The following MYO6 variants were observed in gnomAD, a reference collection of about 807,000 sequenced individuals.
MYO6 encodes unconventional myosin-VI.
A neutral mutation model predicts 178.7 loss-of-function variants in MYO6; 74 were observed. That is an observed-to-expected ratio of 0.41 (90% confidence interval 0.34 to 0.50). The LOEUF (loss-of-function observed/expected upper bound fraction) is 0.50. Among genes scored for constraint, MYO6 ranks in the 20% least tolerant of loss-of-function variants. The pLI is 0.09. For synonymous variants in MYO6, 477 were observed against 504.6 expected (o/e 0.95, Z 0.73); for missense variants, 1,330 against 1,547.4 (o/e 0.86, Z 2.36).
intron 16 of MYO6, among the ~76,000 whole-genome samples, chr6:75,864,624 C>T (rs904722837): frequency 6.6e-6 from 1 of 152,088 alleles, no homozygotes; most frequent in African/African-American, 2.4e-5. Context: ...TTACCAGGGG[C>T]ACTAATTGCT....
intron 16 of MYO6, among the ~76,000 whole-genome samples, chr6:75,863,492 CT>C (rs397886316): frequency 8.8e-5 from 13 of 148,188 alleles, no homozygotes; most frequent in African/African-American, 9.9e-5. Flanking sequence ...GTTTTCCTTT[CT>C]TTTTTTTTTG....
intron 30 of MYO6, among the ~76,000 whole-genome samples, chr6:75,905,100 C>T (rs939376962): frequency 2.8e-4 from 43 of 152,302 alleles, no homozygotes; most frequent in African/African-American, 9.1e-4. Flanking sequence ...TCTCCAGCTG[C>T]GTCCTGGGAG....
intron 3 of MYO6, among the ~76,000 whole-genome samples, chr6:75,825,587 C>A (rs1401529343): frequency 6.6e-6 from 1 of 152,182 alleles, no homozygotes; most frequent in Non-Finnish European, 1.5e-5. Flanking sequence ...GAGTGAAGCT[C>A]TGTCTCTAAA....
At chr6:75,770,704 C>T (rs1186209728) in intron 1 of MYO6, among the ~76,000 whole-genome samples, 3 of 152,092 alleles carry the variant, frequency 2.0e-5, no homozygotes, top group East Asian at 3.9e-4. Flanking sequence ...CTTGAACTCC[C>T]GACCTCAGGT....
At chr6:75,769,663 AG>A (rs1363324440) in intron 1 of MYO6, among the ~76,000 whole-genome samples, 2 of 152,170 alleles carry the variant, frequency 1.3e-5, no homozygotes, top group Non-Finnish European at 2.9e-5. Flanking sequence ...GCACTTTGGG[AG>A]GCCGAGGTGG....
intron 16 of MYO6, among the ~76,000 whole-genome samples, chr6:75,865,696 CA>C (rs1776607424): frequency 6.6e-6 from 1 of 151,434 alleles, no homozygotes; most frequent in South Asian, 2.1e-4. Flanking sequence ...TAGGTTATTT[CA>C]AGGGTCAGAT....
intron 13 of MYO6, among the ~76,000 whole-genome samples, chr6:75,858,602 A>G (rs1775928949): frequency 6.6e-6 from 1 of 152,130 alleles, no homozygotes; most frequent in Non-Finnish European, 1.5e-5. Context: ...TCCTATCTCA[A>G]AAATAAATAA....
intron 29 of MYO6, among the ~76,000 whole-genome samples, chr6:75,896,483 T>C (rs72884280): frequency 0.03 from 4,507 of 152,354 alleles, 97 homozygotes; most frequent in Non-Finnish European, 0.047. Flanking sequence ...TTTGTGAAGT[T>C]CTGAACAGAG....
Position 75,832,954 on chromosome 6 carries a change from A to G in MYO6, c.497+7A>G, listed in dbSNP as rs775103350. 3 of 1,580,864 alleles carry G rather than the reference A, an allele frequency of 1.9e-6. No homozygotes were observed. Among genetic ancestry groups the G allele is most frequent in the Non-Finnish European group, 2.6e-6 (3 of 1,149,736 alleles). Reference sequence around the variant, plus strand: ...ATACAAAATTTGTTCTAAGGTGAGTATTCAGCTAACTTGAAGTATTTGAGT... The same window carrying G: ...ATACAAAATTTGTTCTAAGGTGAGTGTTCAGCTAACTTGAAGTATTTGAGT... On this transcript the variant is annotated splice_region_variant and intron_variant, in intron 6 of 34. Coordinates refer to ENST00000369977, the MANE Select transcript of MYO6 (RefSeq NM_004999.4).
intron 29 of MYO6, 48 bp downstream of exon 29, chr6:75,895,308 T>G: frequency 7.0e-7 from 1 of 1,431,950 alleles, no homozygotes; most frequent in South Asian, 1.2e-5. Context: ...TAGATACTTT[T>G]TGGGAGTAGT....
At chr6:75,909,637 G>C (rs983161854) in intron 32 of MYO6, among the ~76,000 whole-genome samples, 1 of 152,190 alleles carries the variant, frequency 6.6e-6, no homozygotes, top group Admixed American at 6.5e-5. Flanking sequence ...TGATATGCGA[G>C]TTGTAATTTC....
rs71544072 is a variant in MYO6, at chr6:75,869,070, ATTTTTTTTTT to A, written c.1945-1560_1945-1551del. Among the ~76,000 whole-genome samples, 31 of 59,900 alleles carry A rather than the reference ATTTTTTTTTT, an allele frequency of 5.2e-4. 1 individual carries two copies. The South Asian group carries it at 0.023, about 44-fold the overall frequency. The allele number at this position is 59,900 out of a possible 152,430, so 39.3% of individuals were successfully genotyped here. A position where few individuals can be genotyped will look rare whatever the true frequency, so the allele number is the denominator to read the frequency against. On this transcript the variant is annotated intron_variant, in intron 18 of 34. Transcript: ENST00000369977. Reference sequence around the variant, plus strand: ...CTTCTGTTCTTTTGACTTTATCTCCATTTTTTTTTTTTTTTTTTTTTTTTTTGGAGAATAC... The same window carrying A: ...CTTCTGTTCTTTTGACTTTATCTCCATTTTTTTTTTTTTTTTGGAGAATAC...
intron 1 of MYO6, among the ~76,000 whole-genome samples, chr6:75,770,456 CT>C (rs1765765587): frequency 1.3e-5 from 2 of 152,236 alleles, no homozygotes; most frequent in South Asian, 4.2e-4. Context: ...GGTATTCAAA[CT>C]TCTAAACTAA....
chr6:75,891,471 T>C (rs923983340), intron 27 of MYO6, among the ~76,000 whole-genome samples, 165 bp downstream of exon 27: 3 of 151,622 alleles, frequency 2.0e-5, no homozygotes, highest in African/African-American at 7.3e-5. Flanking sequence ...TCTCTACTTA[T>C]ACGAAAACAA....
At chr6:75,905,692 G>T (rs574913376) in intron 30 of MYO6, among the ~76,000 whole-genome samples, 15 of 152,252 alleles carry the variant, frequency 9.9e-5, no homozygotes, top group Non-Finnish European at 1.8e-4. Flanking sequence ...CGTCGCTCAC[G>T]CTGGGAGCTG....
At chr6:75,771,148 C>T (rs986628421) in intron 1 of MYO6, among the ~76,000 whole-genome samples, 1 of 151,708 alleles carries the variant, frequency 6.6e-6, no homozygotes. Context: ...ACTAGAGGCT[C>T]ATGCCACCGC....
chr6:75,754,734 G>C (rs1312521828), intron 1 of MYO6, among the ~76,000 whole-genome samples: 1 of 152,060 alleles, frequency 6.6e-6, no homozygotes, highest in Non-Finnish European at 1.5e-5. Flanking sequence ...AATAGGAAGA[G>C]TTGCAGAGAT....
chr6:75,843,576 A>G (rs1020547560), intron 9 of MYO6, among the ~76,000 whole-genome samples: 25 of 152,206 alleles, frequency 1.6e-4, no homozygotes, highest in African/African-American at 6.0e-4. Context: ...AGTATTTGAC[A>G]AAACAATTGG....
chr6:75,824,172 C>A (rs1376805028), intron 3 of MYO6, among the ~76,000 whole-genome samples: 1 of 152,058 alleles, frequency 6.6e-6, no homozygotes, highest in African/African-American at 2.4e-5. Flanking sequence ...GTTTTTAATC[C>A]ATTTCTTAAA....
Sources: gnomAD v4.1 joint callset for allele counts (sites outside exome capture counted in the v4.1 genomes callset) on GRCh38, gnomAD v4.1.1 for gene constraint, MANE v1.5 for transcripts, NCBI Gene and HGNC (gene_info 2026-07-23, HGNC 2026-07-21) for gene names.